Variants in MAU2 observed in about 807,000 individuals in gnomAD.
MAU2 encodes the protein MAU2 chromatid cohesion factor homolog.
A neutral mutation model predicts 89.1 loss-of-function variants in MAU2; 9 were observed. The observed-to-expected ratio is 0.10, with a 90% CI of 0.06 to 0.18. The LOEUF is 0.18. Among genes scored for constraint, MAU2 ranks in the 10% least tolerant of loss-of-function variants. The pLI, the probability that MAU2 is intolerant of heterozygous loss-of-function variation, is 1.00. For synonymous variants in MAU2, 357 were observed against 343.4 expected, an observed-to-expected ratio of 1.04 and a Z score of -0.44; for missense variants, 425 against 803.5, an observed-to-expected ratio of 0.53 and a Z score of 5.69.
At position 19,345,587 on chromosome 19, in the gene MAU2, C is replaced by T. The variant is rs1157042365; in HGVS notation, c.1221+218C>T. ...TGGGGCCAGGGGCTTCCTGAGCTGACCCAAGGGCAGACGTGAGGGAGAGGT... is the reference window on the plus strand; with the variant it reads ...TGGGGCCAGGGGCTTCCTGAGCTGATCCAAGGGCAGACGTGAGGGAGAGGT... On this transcript the variant is annotated intron_variant, in intron 12 of 18. Coordinates refer to ENST00000262815, the MANE Select transcript of MAU2 (RefSeq NM_015329.4). The surrounding 1 kb of genome is among the most constrained non-coding windows in gnomAD (Gnocchi z 4.9). Among the ~76,000 whole-genome samples the T allele has an allele frequency of 6.6e-6, 1 of 152,186 alleles. No individual in the cohort carries two copies. Among genetic ancestry groups the T allele is most frequent in the Non-Finnish European group, 1.5e-5 (1 of 68,024 alleles).
At chr19:19,354,263 G>A in intron 16 of MAU2, 92 bp from the exon 17 acceptor site, 4 of 923,154 alleles carry the variant, frequency 4.3e-6, no homozygotes, top group Non-Finnish European at 7.1e-6. Flanking sequence ...GGTTCAGTAG[G>A]TGGGTTCCAG....
intron 1 of MAU2, among the ~76,000 whole-genome samples, chr19:19,334,934 G>T (rs1198102596): frequency 2.0e-5 from 3 of 152,244 alleles, no homozygotes; most frequent in Non-Finnish European, 2.9e-5. Context: ...CTCTTGTCAG[G>T]TGCAGGTTGC....
At chr19:19,334,417 C>T (rs778347499) in intron 1 of MAU2, 47 of 985,550 alleles carry the variant, frequency 4.8e-5, no homozygotes, top group African/African-American at 3.8e-4. Context: ...TAGCTGCTCT[C>T]GATGCAGCTC....
intron 1 of MAU2, among the ~76,000 whole-genome samples, chr19:19,335,446 G>T (rs1403005702): frequency 6.6e-6 from 1 of 152,192 alleles, no homozygotes; most frequent in African/African-American, 2.4e-5. Context: ...TGGGCCTGTG[G>T]GGTCTGACTC....
chr19:19,352,750 G>A (rs1172823520), intron 16 of MAU2: 2 of 152,292 alleles, frequency 1.3e-5, no homozygotes, highest in East Asian at 1.9e-4. Flanking sequence ...CCTGGCCCAT[G>A]TTTTAGGTGT....
chr19:19,321,544 A>C, intron 1 of MAU2: 1 of 163,318 alleles, frequency 6.1e-6, no homozygotes, highest in South Asian at 1.8e-4. Context: ...AAACGCTTCC[A>C]CCTAAAGTGA....
At chr19:19,347,397 TTCTC>T (rs1171973687) in intron 13 of MAU2, 31 bp downstream of exon 13, 1 of 1,530,634 alleles carries the variant, frequency 6.5e-7, no homozygotes, top group African/African-American at 1.4e-5. Flanking sequence ...TCGGTATCCT[TTCTC>T]TCTGTTCTCT....
chr19:19,354,681 C>T (rs1260952597), intron 17 of MAU2: 8 of 547,952 alleles, frequency 1.5e-5, no homozygotes, highest in Admixed American at 3.1e-5. Flanking sequence ...ACAGAGGCTG[C>T]GACTTGGTAT....
In MAU2 at chr19:19,331,374, C is replaced by T. The variant is rs555109384; in HGVS notation, c.277-4344C>T. 1.1e-3 allele frequency among the ~76,000 whole-genome samples: 163 copies of T among 151,794 alleles called. 1 individual carries two copies. Among genetic ancestry groups the T allele is most frequent in the African/African-American group, 3.6e-3 (148 of 41,400 alleles). ...AAAATTAGCCAGGCGTGGTGGCGGGCGCCTGTAGTCCCAGCTACTCAGGAG... is the reference window on the plus strand; with the variant it reads ...AAAATTAGCCAGGCGTGGTGGCGGGTGCCTGTAGTCCCAGCTACTCAGGAG... On this transcript the variant is annotated intron_variant, in intron 1 of 18. Coordinates refer to ENST00000262815, the MANE Select transcript of MAU2 (RefSeq NM_015329.4).
rs1315986545 is a variant in MAU2, at chr19:19,358,648, A to T, written c.*2866A>T. On this transcript the variant is annotated 3_prime_UTR_variant, in exon 19 of 19. Transcript: ENST00000262815. Reference sequence around the variant, plus strand: ...GTGCTTTTACTTAGGGAAAAAAACAATTTGTAAATACAGAACATTGTTTAA... The same window carrying T: ...GTGCTTTTACTTAGGGAAAAAAACATTTTGTAAATACAGAACATTGTTTAA... 1 of 152,278 alleles carries T rather than the reference A, an allele frequency of 6.6e-6. No homozygotes were observed. The highest frequency in any genetic ancestry group is 1.5e-5 in the Non-Finnish European group (1 of 68,048). The allele number at this position is 152,278 out of a possible 1,614,324, so 9.4% of individuals were successfully genotyped here.
chr19:19,349,036 C>A, intron 14 of MAU2, 98 bp downstream of exon 14: 1 of 1,555,904 alleles, frequency 6.4e-7, no homozygotes, highest in Non-Finnish European at 8.8e-7. Flanking sequence ...ACCCCATACC[C>A]CTCCTCACAG....
Position 19,327,572 on chromosome 19 carries a change from G to A in MAU2, c.276+6437G>A, listed in dbSNP as rs184410088. Among the ~76,000 whole-genome samples the A allele has an allele frequency of 6.0e-3, 918 of 152,110 alleles. 6 individuals are homozygous for A. The highest frequency in any genetic ancestry group is 8.3e-3 in the Non-Finnish European group (563 of 67,996). ...GATCTCCTGACCTCATGATCCACCCGCCTCGACCTGCCAAAGTGCTGGGAT... is the reference window on the plus strand; with the variant it reads ...GATCTCCTGACCTCATGATCCACCCACCTCGACCTGCCAAAGTGCTGGGAT... On this transcript the variant is annotated intron_variant, in intron 1 of 18. Coordinates refer to ENST00000262815, the MANE Select transcript of MAU2 (RefSeq NM_015329.4).
chr19:19,343,721 G>A (rs899297189), intron 9 of MAU2, 116 bp from the exon 10 acceptor site: 67 of 736,748 alleles, frequency 9.1e-5, no homozygotes, highest in Non-Finnish European at 1.4e-4. Flanking sequence ...GGGAGATGAC[G>A]GGGTGGGTGC....
At chr19:19,342,321 C>T (rs950851707) in intron 7 of MAU2, among the ~76,000 whole-genome samples, 1 of 152,208 alleles carries the variant, frequency 6.6e-6, no homozygotes, top group African/African-American at 2.4e-5. Flanking sequence ...GGACAAGCCT[C>T]AGTCCCACAG....
At chr19:19,322,711 C>T (rs551681690) in intron 1 of MAU2, among the ~76,000 whole-genome samples, 7 of 151,832 alleles carry the variant, frequency 4.6e-5, no homozygotes, top group Admixed American at 1.3e-4. Context: ...ACCTTTTACC[C>T]AGCTCTGTCC....
intron 1 of MAU2, among the ~76,000 whole-genome samples, chr19:19,323,560 G>A (rs921898290): frequency 1.3e-5 from 2 of 152,126 alleles, no homozygotes; most frequent in African/African-American, 4.8e-5. Flanking sequence ...CGGCTGGGGT[G>A]CACTGGCGTG....
chr19:19,332,378 T>G (rs965238175), intron 1 of MAU2, among the ~76,000 whole-genome samples: 3 of 150,854 alleles, frequency 2.0e-5, no homozygotes, highest in Non-Finnish European at 2.9e-5. Flanking sequence ...CTCGCTGTGT[T>G]GCCCAGGCCG....
chr19:19,343,064 G>T (rs1568661578), intron 9 of MAU2, among the ~76,000 whole-genome samples, 198 bp downstream of exon 9: 1 of 152,184 alleles, frequency 6.6e-6, no homozygotes, highest in Non-Finnish European at 1.5e-5. Flanking sequence ...GGGGTCGGGG[G>T]TACCTCCCTG....
At position 19,345,205 on chromosome 19, in the gene MAU2, C is replaced by A; in HGVS notation, c.1156-99C>A. ...GGCTCGGTAGAGCCATTGTCATACT[C>A]CTCCAGGGCAGCCGTGCAGGCCCCG... On this transcript the variant is annotated intron_variant, in intron 11 of 18. Transcript: ENST00000262815. The surrounding 1 kb of genome is among the most constrained non-coding windows in gnomAD (Gnocchi z 4.9). The A allele has an allele frequency of 1.9e-6, 2 of 1,065,146 alleles. No individual in the cohort carries two copies. Among genetic ancestry groups the A allele is most frequent in the Non-Finnish European group, 2.9e-6 (2 of 690,094 alleles). 66.0% of individuals were successfully genotyped at this position (1,065,146 alleles called of 1,614,324 possible). A position where few individuals can be genotyped will look rare whatever the true frequency, so the allele number is the denominator to read the frequency against.
Sources: allele counts gnomAD v4.1 joint callset (sites outside exome capture counted in the v4.1 genomes callset), GRCh38; gene constraint gnomAD v4.1.1; non-coding constraint Gnocchi (gnomAD v3.1); transcripts MANE v1.5; gene names NCBI Gene and HGNC (gene_info 2026-07-23, HGNC 2026-07-21).